The following OCRL variants were observed in gnomAD, a reference collection of about 807,000 sequenced individuals.
OCRL encodes the protein OCRL inositol polyphosphate-5-phosphatase.
Under a neutral mutation model 78.9 loss-of-function variants are expected in OCRL, and 8 were observed. The observed-to-expected ratio is 0.10, with a 90% CI of 0.06 to 0.18. The LOEUF (loss-of-function observed/expected upper bound fraction) is 0.18, where lower values mean the gene tolerates loss of function less well. OCRL is among the 10% of genes least tolerant of loss of function. OCRL has a pLI of 1.00. For missense variants in OCRL, 454 were observed against 696.7 expected (o/e 0.65, Z 3.92); for synonymous variants, 240 against 235.4 (o/e 1.02, Z -0.18).
chrX:129,574,185 C>T lies in OCRL; in HGVS notation c.1603-955C>T, dbSNP rs759430478. Among the ~76,000 whole-genome samples, 4 of 112,374 alleles carry T rather than the reference C, an allele frequency of 3.6e-5. No individual in the cohort carries two copies. The South Asian group carries it at 1.1e-3, about 31-fold the overall frequency. On this transcript the variant is annotated intron_variant, in intron 15 of 23. Transcript: ENST00000371113. ...AAAAGCGTTCCTACTTCTCCACAGC[C>T]TCACCAGCATCTGTTTCCACATCTT...
At chrX:129,543,684 T>C (rs912356926) in intron 2 of OCRL, among the ~76,000 whole-genome samples, 14 of 113,089 alleles carry the variant, frequency 1.2e-4, no homozygotes, top group Non-Finnish European at 2.4e-4. Context: ...TATCCCAGGT[T>C]ATCCTCTTCA....
chrX:129,541,973 T>C lies in OCRL; in HGVS notation c.119+1150T>C, dbSNP rs760860014. Among the ~76,000 whole-genome samples, 7 of 112,205 alleles carry C rather than the reference T, an allele frequency of 6.2e-5. No individual in the cohort carries two copies. In the South Asian group the frequency reaches 2.6e-3, roughly 41 times the overall value. On this transcript the variant is annotated intron_variant, in intron 2 of 23. Coordinates refer to ENST00000371113, the MANE Select transcript of OCRL (RefSeq NM_000276.4). ...ATTTCATCAAACCCTGGAAGACTAG[T>C]TTAATGAAACTAAACTAAATTCAGA...
intron 15 of OCRL, among the ~76,000 whole-genome samples, chrX:129,569,741 G>A (rs184214985): frequency 7.2e-5 from 8 of 110,677 alleles, no homozygotes; most frequent in Admixed American, 1.9e-4. Flanking sequence ...CTGGGTGGAA[G>A]GGTAGAGACA....
At position 129,540,273 on chromosome X, in the gene OCRL, A is replaced by T. The variant is rs1308744016; in HGVS notation, c.-167A>T. On this transcript the variant is annotated 5_prime_UTR_variant, in exon 1 of 24. Transcript: ENST00000371113. ...GAGGCGCCGCTCTCTCTTGGGTCAG[A>T]TTCTCAGCTCCCAGCTCCCCGCTCC... The T allele has an allele frequency of 2.3e-5, 13 of 553,382 alleles. No homozygotes were observed. Among genetic ancestry groups the T allele is most frequent in the Admixed American group, 5.7e-5 (2 of 35,388 alleles). 45.6% of individuals were successfully genotyped at this position (553,382 alleles called of 1,213,427 possible).
In OCRL at chrX:129,559,007, T is replaced by C; in HGVS notation, c.722+6T>C. The stretch of plus-strand genomic sequence containing the variant: ...GTCAACATTCAGACTTTCAGGTTAG[T>C]GTCTCTTTTGCTTCCTGAGTCTAAA... On this transcript the variant is annotated splice_donor_region_variant and intron_variant, in intron 8 of 23. Coordinates refer to ENST00000371113, the MANE Select transcript of OCRL (RefSeq NM_000276.4). 1 of 1,207,779 alleles carries C rather than the reference T, an allele frequency of 8.3e-7. No homozygotes were observed.
In OCRL at chrX:129,589,017, G is replaced by T. The variant is rs1278110448; in HGVS notation, c.2469+4G>T. 7.4e-6 allele frequency: 9 copies of T among 1,209,664 alleles called. No homozygotes were observed. The African/African-American group carries it at 1.6e-4, about 21-fold the overall frequency. On this transcript the variant is annotated splice_donor_region_variant and intron_variant, in intron 22 of 23. Transcript: ENST00000371113. ...TGATCCCCGGATCTGCCGACAGGTG[G>T]GTTCTACTGACCTGGGGATGTGTTT...
At chrX:129,572,414 C>T (rs1264333419) in intron 15 of OCRL, among the ~76,000 whole-genome samples, 4 of 112,923 alleles carry the variant, frequency 3.5e-5, no homozygotes, top group African/African-American at 1.3e-4. Flanking sequence ...GGTTCCCCCC[C>T]TCCTCATTAT....
chrX:129,587,380 G>A (rs921896265), intron 20 of OCRL, among the ~76,000 whole-genome samples: 2 of 110,996 alleles, frequency 1.8e-5, no homozygotes, highest in Non-Finnish European at 3.8e-5. Context: ...CTGTCTCCTG[G>A]CTACCCTCTC....
intron 15 of OCRL, among the ~76,000 whole-genome samples, chrX:129,573,658 G>T (rs1936331248): frequency 9.0e-6 from 1 of 111,553 alleles, no homozygotes; most frequent in African/African-American, 3.3e-5. Context: ...GGGCTCAAGG[G>T]ATTCTCCTGC....
At position 129,575,184 on chromosome X, in the gene OCRL, T is replaced by C. The variant is rs1337593127; in HGVS notation, c.1647T>C (p.Asp549=). 8.3e-7 allele frequency: 1 copy of C among 1,208,615 alleles called. No individual in the cohort carries two copies. Among genetic ancestry groups the C allele is most frequent in the Non-Finnish European group, 1.1e-6 (1 of 893,666 alleles). ...GAAGGTACCGGAAAGTCTTTGAAGA[T>C]AGTGTACGCATCATGGACAGAATGG... ...DERRYRKVFE[D]SVRIMDRMEN... is the part of the protein sequence containing the mutation. The change falls in exon 16 of 24, where the codon GAT becomes GAC. Residue 549 remains aspartate (D), a synonymous_variant. Transcript: ENST00000371113.
chrX:129,587,922 T>G (rs762242310), intron 20 of OCRL, among the ~76,000 whole-genome samples: 146 of 111,361 alleles, frequency 1.3e-3, no homozygotes, highest in African/African-American at 4.6e-3. Context: ...TTTCCTGCTC[T>G]AGCCATCTAG....
At position 129,576,537 on chromosome X, in the gene OCRL, C is replaced by T; in HGVS notation, c.2100C>T (p.Thr700=). 1 of 1,196,694 alleles carries T rather than the reference C, an allele frequency of 8.4e-7. No homozygotes were observed. The highest frequency in any genetic ancestry group is 2.2e-5 in the Admixed American group (1 of 46,080). Residue 700 remains threonine, a synonymous_variant, in exon 18 of 24, where the codon ACC becomes ACT. Coordinates refer to ENST00000371113, the MANE Select transcript of OCRL (RefSeq NM_000276.4). ...GACCAATCCGAGAAGTTCCTGTTACCAAACTCATAGACTTGGTAAGAACTG... is the reference window on the plus strand; with the variant it reads ...GACCAATCCGAGAAGTTCCTGTTACTAAACTCATAGACTTGGTAAGAACTG... ...MKRPIREVPV[T]KLIDLEEDSF...
At position 129,592,154 on chromosome X, in the gene OCRL, A is replaced by C. The variant is rs1171249073; in HGVS notation, c.*1884A>C. On this transcript the variant is annotated 3_prime_UTR_variant, in exon 24 of 24. Transcript: ENST00000371113. ...TTTCAGCTCATCCTGGAACATATAC[A>C]GAGTTGAGAGTTTTAGACAATCTCT... 8.8e-6 allele frequency: 1 copy of C among 113,593 alleles called. No homozygotes were observed. The highest frequency in any genetic ancestry group is 3.3e-5 in the African/African-American group (1 of 30,728). 9.4% of individuals were successfully genotyped at this position (113,593 alleles called of 1,213,427 possible).
chrX:129,561,671 A>G (rs997214968), intron 10 of OCRL, among the ~76,000 whole-genome samples: 2 of 112,188 alleles, frequency 1.8e-5, no homozygotes, highest in Non-Finnish European at 3.8e-5. Context: ...GAGCAAGAAT[A>G]GAAGTGGTGT....
intron 14 of OCRL, among the ~76,000 whole-genome samples, chrX:129,567,644 C>T (rs748572111): frequency 8.9e-6 from 1 of 112,153 alleles, no homozygotes; most frequent in South Asian, 3.7e-4. Context: ...AGCAAACTTG[C>T]TTAAATTTTT....
chrX:129,588,858 TC>T (rs1356505746), intron 21 of OCRL, 27 bp from the exon 22 acceptor site: 10 of 1,210,373 alleles, frequency 8.3e-6, no homozygotes, highest in Non-Finnish European at 1.0e-5. Context: ...CTCCTGGAGC[TC>T]CTTTCCCTTG....
intron 4 of OCRL, among the ~76,000 whole-genome samples, chrX:129,550,119 T>C (rs1226618352): frequency 3.6e-5 from 4 of 112,388 alleles, no homozygotes; most frequent in African/African-American, 1.3e-4. Context: ...TGGATATTGG[T>C]GTTAAATGCT....
intron 4 of OCRL, among the ~76,000 whole-genome samples, chrX:129,549,114 A>T (rs1250048774): frequency 9.0e-6 from 1 of 111,677 alleles, no homozygotes; most frequent in Non-Finnish European, 1.9e-5. Flanking sequence ...TTAAAAAAAA[A>T]AGTTTAGTCT....
chrX:129,589,069 G>A lies in OCRL; in HGVS notation c.2469+56G>A, dbSNP rs147224250. 7.4e-3 allele frequency: 8,803 copies of A among 1,192,220 alleles called. 43 individuals are homozygous for A. The highest frequency in any genetic ancestry group is 0.017 in the Middle Eastern group (71 of 4,125). On this transcript the variant is annotated intron_variant, in intron 22 of 23. Coordinates refer to ENST00000371113, the MANE Select transcript of OCRL (RefSeq NM_000276.4). Reference sequence around the variant, plus strand: ...ACGCAGATTGCCCCATAGAGAAGTCGTCAGTTTTACAGAGCCAGATAGGCA... The same window carrying A: ...ACGCAGATTGCCCCATAGAGAAGTCATCAGTTTTACAGAGCCAGATAGGCA...
Sources: gnomAD v4.1 joint callset for allele counts (sites outside exome capture counted in the v4.1 genomes callset) on GRCh38, gnomAD v4.1.1 for gene constraint, MANE v1.5 for transcripts, NCBI Gene and HGNC (gene_info 2026-07-23, HGNC 2026-07-21) for gene names.